The following RBFOX1 variants were observed in gnomAD, a reference collection of about 807,000 sequenced individuals.
RBFOX1 encodes RNA binding fox-1 homolog 1.
Under a neutral mutation model 57.7 loss-of-function variants are expected in RBFOX1, and 8 were observed. The ratio of observed to expected loss-of-function variants is 0.14; its 90% CI spans 0.08 to 0.25. The LOEUF (loss-of-function observed/expected upper bound fraction) is 0.25, where lower values mean the gene tolerates loss of function less well. Among genes scored for constraint, RBFOX1 ranks in the 10% least tolerant of loss-of-function variants. The pLI is 1.00. For missense variants in RBFOX1, 611 were observed against 548.5 expected (o/e 1.11, Z -1.14); for synonymous variants, 326 against 222.4 (o/e 1.47, Z -4.15).
chr16:5,375,128 T>C (rs1253328256), intron 1 of RBFOX1, among the ~76,000 whole-genome samples: 2 of 150,472 alleles, frequency 1.3e-5, no homozygotes, highest in African/African-American at 4.9e-5. Context: ...TGTGCGGGTT[T>C]GTCAAATGCT....
intron 3 of RBFOX1, among the ~76,000 whole-genome samples, chr16:6,867,053 T>C (rs1603634315): frequency 6.6e-6 from 1 of 152,092 alleles, no homozygotes; most frequent in Middle Eastern, 3.4e-3. Flanking sequence ...CTTGCTATTA[T>C]TATGAGTTTG....
At chr16:5,537,855 G>A (rs2044761828) in intron 2 of RBFOX1, among the ~76,000 whole-genome samples, 1 of 152,182 alleles carries the variant, frequency 6.6e-6, no homozygotes, top group Admixed American at 6.5e-5. Context: ...TGCAAAGGCT[G>A]TTTTGCCACA....
At chr16:7,251,421 T>TC (rs60895319) in intron 4 of RBFOX1, among the ~76,000 whole-genome samples, 15,931 of 148,668 alleles carry the variant, frequency 0.11, 999 homozygotes, top group East Asian at 0.21. Context: ...TTTTTTTTTT[T>TC]CTGTGGGGGA....
At position 6,845,151 on chromosome 16, in the gene RBFOX1, TC is replaced by T. The variant is rs869189236; in HGVS notation, c.-16+190502del. 5.2e-4 allele frequency among the ~76,000 whole-genome samples: 8 copies of T among 15,482 alleles called. No individual in the cohort carries two copies. In the East Asian group the frequency reaches 0.087, roughly 169 times the overall value. The allele number at this position is 15,482 out of a possible 152,430, so 10.2% of individuals were successfully genotyped here. A position where few individuals can be genotyped will look rare whatever the true frequency, so the allele number is the denominator to read the frequency against. ...GGGTTGTCTGTTCACTCTGGTAGTT[TC>T]TTTTTCTGCACAGAAGCTCTTTAGT... On this transcript the variant is annotated intron_variant, in intron 3 of 15. Coordinates refer to ENST00000550418, the MANE Select transcript of RBFOX1 (RefSeq NM_018723.4).
chr16:7,284,044 C>T (rs1476083467), intron 4 of RBFOX1, among the ~76,000 whole-genome samples: 1 of 152,176 alleles, frequency 6.6e-6, no homozygotes, highest in Non-Finnish European at 1.5e-5. Context: ...AAGTACGTAG[C>T]CTTTAGGCCT....
chr16:7,192,781 A>G (rs901630386), intron 4 of RBFOX1, among the ~76,000 whole-genome samples: 3 of 152,234 alleles, frequency 2.0e-5, no homozygotes, highest in African/African-American at 7.2e-5. Context: ...GTGAGTCTAA[A>G]AGCATTTCAA....
intron 3 of RBFOX1, among the ~76,000 whole-genome samples, chr16:7,044,224 G>C (rs2047141779): frequency 6.6e-6 from 1 of 152,098 alleles, no homozygotes; most frequent in Admixed American, 6.6e-5. Context: ...TATATGAAAG[G>C]ATGGATGAGT....
chr16:6,672,614 C>T (rs545470867), intron 3 of RBFOX1, among the ~76,000 whole-genome samples: 6 of 152,224 alleles, frequency 3.9e-5, no homozygotes, highest in African/African-American at 1.4e-4. Flanking sequence ...GCATATAAGA[C>T]TACTGACTTC....
chr16:6,296,513 C>T (rs57035629), intron 1 of RBFOX1, among the ~76,000 whole-genome samples: 35,842 of 151,290 alleles, frequency 0.24, 4,342 homozygotes, highest in South Asian at 0.25. Flanking sequence ...CTCCGCCTCC[C>T]GGGTTCAGGC....
chr16:6,681,987 A>C (rs538726393), intron 3 of RBFOX1, among the ~76,000 whole-genome samples: 2 of 152,268 alleles, frequency 1.3e-5, no homozygotes, highest in East Asian at 3.9e-4. Flanking sequence ...TTCTTCTTCC[A>C]AATCTTGAAG....
intron 4 of RBFOX1, among the ~76,000 whole-genome samples, chr16:7,128,923 C>G (rs555564817): frequency 4.6e-5 from 7 of 150,966 alleles, no homozygotes; most frequent in African/African-American, 1.7e-4. Flanking sequence ...TGGGTTCAAG[C>G]CATTCTCCTG....
chr16:5,663,356 C>T (rs1463827044), intron 3 of RBFOX1, among the ~76,000 whole-genome samples: 2 of 151,942 alleles, frequency 1.3e-5, no homozygotes, highest in Non-Finnish European at 2.9e-5. Context: ...AGGCACATGC[C>T]ACCATGCCCA....
intron 1 of RBFOX1, among the ~76,000 whole-genome samples, chr16:6,053,657 C>G (rs2095579887): frequency 6.6e-6 from 1 of 152,030 alleles, no homozygotes; most frequent in Non-Finnish European, 1.5e-5. Flanking sequence ...ATAAATAAAA[C>G]ATTTTTCTGC....
chr16:6,744,887 G>T (rs559178559), intron 3 of RBFOX1, among the ~76,000 whole-genome samples: 1 of 152,124 alleles, frequency 6.6e-6, no homozygotes, highest in East Asian at 1.9e-4. Flanking sequence ...GGAAATCTTT[G>T]AAACCAAAAG....
At chr16:6,224,928 A>G (rs1222890937) in intron 1 of RBFOX1, among the ~76,000 whole-genome samples, 1 of 150,868 alleles carries the variant, frequency 6.6e-6, no homozygotes, top group African/African-American at 2.4e-5. Context: ...CTGAGGCAAG[A>G]GAATCGCTTG....
At chr16:5,590,089 A>G (rs1179856347) in intron 2 of RBFOX1, among the ~76,000 whole-genome samples, 1 of 152,086 alleles carries the variant, frequency 6.6e-6, no homozygotes, top group Non-Finnish European at 1.5e-5. Context: ...AAAGGGCAGC[A>G]GGTGTTATTT....
chr16:7,240,009 C>G (rs1212019792), intron 4 of RBFOX1, among the ~76,000 whole-genome samples: 1 of 152,148 alleles, frequency 6.6e-6, no homozygotes, highest in Non-Finnish European at 1.5e-5. Context: ...CTCTGTCGCC[C>G]AGGCTGGAGT....
At chr16:7,103,683 TAAA>T (rs2063091150) in intron 4 of RBFOX1, among the ~76,000 whole-genome samples, 2 of 152,124 alleles carry the variant, frequency 1.3e-5, no homozygotes, top group Non-Finnish European at 2.9e-5. Flanking sequence ...AAAAATGACT[TAAA>T]GAAACGTAAA....
At chr16:5,970,240 T>C (rs1453851911) in intron 4 of RBFOX1, among the ~76,000 whole-genome samples, 1 of 152,182 alleles carries the variant, frequency 6.6e-6, no homozygotes, top group Non-Finnish European at 1.5e-5. Context: ...TTGTTTCTCA[T>C]AGATGTTGTC....
Sources: gnomAD v4.1 joint callset for allele counts (sites outside exome capture counted in the v4.1 genomes callset) on GRCh38, gnomAD v4.1.1 for gene constraint, MANE v1.5 for transcripts, NCBI Gene and HGNC (gene_info 2026-07-23, HGNC 2026-07-21) for gene names.